ADAMTSL1: variants seen among roughly 807,000 people sequenced by gnomAD.
ADAMTSL1 encodes ADAMTS like 1, also known as ADAMTS-like protein 1.
A neutral mutation model predicts 201.8 loss-of-function variants in ADAMTSL1; 126 were observed. The observed-to-expected ratio is 0.62, with a 90% confidence interval of 0.54 to 0.72. ADAMTSL1 has a LOEUF of 0.72. ADAMTSL1 is among the 30% of genes least tolerant of loss of function. ADAMTSL1 has a pLI of 0.00. For synonymous variants in ADAMTSL1, 1,121 were observed against 903.4 expected (o/e 1.24, Z -4.32); for missense variants, 2,679 against 2,277.8 (o/e 1.18, Z -3.59).
intron 1 of ADAMTSL1, among the ~76,000 whole-genome samples, chr9:17,937,312 G>C (rs1239739665): frequency 2.0e-5 from 3 of 152,020 alleles, no homozygotes; most frequent in African/African-American, 4.8e-5. Context: ...TTTTTGGAAG[G>C]AGGGTGACTG....
At chr9:18,303,752 A>G (rs531168345) in intron 2 of ADAMTSL1, among the ~76,000 whole-genome samples, 88 of 152,338 alleles carry the variant, frequency 5.8e-4, no homozygotes, top group African/African-American at 2.0e-3. Context: ...AATGAGGAGA[A>G]GGGTGATGGT....
chr9:18,250,096 T>C (rs1239123854), intron 2 of ADAMTSL1, among the ~76,000 whole-genome samples: 1 of 152,264 alleles, frequency 6.6e-6, no homozygotes, highest in Admixed American at 6.5e-5. Context: ...GTAGTTTACA[T>C]GAATTAAAGT....
intron 1 of ADAMTSL1, among the ~76,000 whole-genome samples, chr9:18,049,476 T>C (rs1388767188): frequency 6.6e-6 from 1 of 152,160 alleles, no homozygotes; most frequent in Admixed American, 6.5e-5. Context: ...TATGTCTAGA[T>C]AAAATGACTG....
chr9:18,744,913 T>G (rs1400766471), intron 15 of ADAMTSL1, among the ~76,000 whole-genome samples: 1 of 152,138 alleles, frequency 6.6e-6, no homozygotes, highest in Admixed American at 6.5e-5. Context: ...TTCTTGTGAT[T>G]TTTGAATTTT....
At chr9:18,852,620 C>G (rs1826567336) in intron 23 of ADAMTSL1, among the ~76,000 whole-genome samples, 1 of 152,084 alleles carries the variant, frequency 6.6e-6, no homozygotes, top group African/African-American at 2.4e-5. Context: ...ATCAGCCTAT[C>G]TCCGAAAAAT....
chr9:18,720,128 T>A (rs1833244717), intron 14 of ADAMTSL1, among the ~76,000 whole-genome samples: 2 of 152,138 alleles, frequency 1.3e-5, no homozygotes, highest in African/African-American at 4.8e-5. Flanking sequence ...CTGAAATGAT[T>A]CCAGACAAAT....
At chr9:18,432,530 A>C (rs762166142) in intron 2 of ADAMTSL1, among the ~76,000 whole-genome samples, 1 of 152,186 alleles carries the variant, frequency 6.6e-6, no homozygotes, top group African/African-American at 2.4e-5. Flanking sequence ...TGTAGCTTAC[A>C]TTATTCTATC....
intron 3 of ADAMTSL1, among the ~76,000 whole-genome samples, chr9:18,561,734 T>C (rs550417762): frequency 1.3e-5 from 2 of 152,332 alleles, no homozygotes; most frequent in East Asian, 1.9e-4. Flanking sequence ...ATATTTAGGA[T>C]AGTTAGCTCT....
At chr9:18,881,881 C>T (rs1162680755) in intron 23 of ADAMTSL1, among the ~76,000 whole-genome samples, 1 of 152,158 alleles carries the variant, frequency 6.6e-6, no homozygotes, top group Admixed American at 6.5e-5. Context: ...AGCATCTCTA[C>T]CCTATTCTCA....
At chr9:18,323,303 G>A (rs561701056) in intron 2 of ADAMTSL1, among the ~76,000 whole-genome samples, 50 of 152,214 alleles carry the variant, frequency 3.3e-4, no homozygotes, top group African/African-American at 1.1e-3. Flanking sequence ...TCAGCTCAAT[G>A]GAGTAATAAA....
intron 2 of ADAMTSL1, among the ~76,000 whole-genome samples, chr9:18,413,251 G>A (rs1818528804): frequency 6.8e-6 from 1 of 147,660 alleles, no homozygotes; most frequent in Admixed American, 6.8e-5. Flanking sequence ...TGCAACCTTC[G>A]CCTCCTAGGT....
chr9:18,406,496 T>G (rs562510266), intron 2 of ADAMTSL1, among the ~76,000 whole-genome samples: 34 of 151,824 alleles, frequency 2.2e-4, no homozygotes, highest in Admixed American at 4.6e-4. Context: ...GCCCGGCTAA[T>G]TTTTTTGTAT....
chr9:18,719,641 G>A (rs1388543009), intron 14 of ADAMTSL1, among the ~76,000 whole-genome samples: 1 of 152,176 alleles, frequency 6.6e-6, no homozygotes, highest in Non-Finnish European at 1.5e-5. Flanking sequence ...TGGGATTACA[G>A]GCATGAGCCA....
intron 2 of ADAMTSL1, among the ~76,000 whole-genome samples, chr9:18,318,688 A>ATGTC (rs1834503603): frequency 6.6e-6 from 1 of 151,912 alleles, no homozygotes; most frequent in Admixed American, 6.5e-5. Flanking sequence ...AGAGATTCTG[A>ATGTC]TGTCTCCTCT....
chr9:18,677,656 G>C (rs7019258), intron 10 of ADAMTSL1, among the ~76,000 whole-genome samples: 85,754 of 151,670 alleles, frequency 0.57, 24,434 homozygotes, highest in African/African-American at 0.62. Context: ...GCCTATATTA[G>C]GTTAAAATTG....
At chr9:18,314,457 C>G (rs1394915864) in intron 2 of ADAMTSL1, among the ~76,000 whole-genome samples, 1 of 152,026 alleles carries the variant, frequency 6.6e-6, no homozygotes, top group African/African-American at 2.4e-5. Context: ...AGGAGTGATG[C>G]TGCATACTTT....
chr9:18,119,625 A>T (rs1053361584), intron 1 of ADAMTSL1, among the ~76,000 whole-genome samples: 3 of 152,056 alleles, frequency 2.0e-5, no homozygotes, highest in African/African-American at 4.8e-5. Flanking sequence ...CTTTAGTATG[A>T]TGTACTACAG....
intron 12 of ADAMTSL1, among the ~76,000 whole-genome samples, chr9:18,682,769 C>G (rs1830581837): frequency 6.6e-6 from 1 of 151,992 alleles, no homozygotes; most frequent in Admixed American, 6.6e-5. Context: ...CAGTGTAGCT[C>G]TTTATTATAC....
chr9:17,928,541 C>T (rs1369449287), intron 1 of ADAMTSL1, among the ~76,000 whole-genome samples: 1 of 152,108 alleles, frequency 6.6e-6, no homozygotes, highest in Admixed American at 6.5e-5. Flanking sequence ...CAAATATTGA[C>T]ATTTTTCAAG....
Sources: allele counts gnomAD v4.1 joint callset (sites outside exome capture counted in the v4.1 genomes callset), GRCh38; gene constraint gnomAD v4.1.1; transcripts MANE v1.5; gene names NCBI Gene and HGNC (gene_info 2026-07-23, HGNC 2026-07-21).